ZFPM2: variants seen among roughly 807,000 people sequenced by gnomAD.
The protein encoded by ZFPM2 is zinc finger protein ZFPM2.
ZFPM2 carries 20 observed loss-of-function variants against 98.6 expected under a neutral mutation model. The ratio of observed to expected loss-of-function variants is 0.20; its 90% confidence interval spans 0.14 to 0.29. ZFPM2 has a LOEUF of 0.29. Ranked by LOEUF, ZFPM2 falls within the 10% of genes least tolerant of loss-of-function variation. ZFPM2 has a pLI of 1.00. For synonymous variants in ZFPM2, 518 were observed against 502.7 expected, an observed-to-expected ratio of 1.03 and a Z score of -0.41; for missense variants, 1,310 against 1,388.6, an observed-to-expected ratio of 0.94 and a Z score of 0.90.
At chr8:105,575,328 C>A (rs552559076) in intron 4 of ZFPM2, among the ~76,000 whole-genome samples, 1 of 152,136 alleles carries the variant, frequency 6.6e-6, no homozygotes, top group South Asian at 2.1e-4. Context: ...CGTTGTATCA[C>A]CCCCCTCCCT....
chr8:105,350,620 G>A (rs1196919570), intron 1 of ZFPM2, among the ~76,000 whole-genome samples: 1 of 152,098 alleles, frequency 6.6e-6, no homozygotes, highest in Admixed American at 6.6e-5. Context: ...AAACTTGGTA[G>A]GCAATTGTAA....
intron 1 of ZFPM2, among the ~76,000 whole-genome samples, chr8:105,411,226 G>A (rs559550891): frequency 4.2e-4 from 63 of 151,754 alleles, no homozygotes; most frequent in Middle Eastern, 3.2e-3. Flanking sequence ...GCTTTCAGTT[G>A]CAAATGTGGG....
intron 5 of ZFPM2, among the ~76,000 whole-genome samples, chr8:105,775,499 G>GTATT (rs1813085490): frequency 6.6e-6 from 1 of 152,180 alleles, no homozygotes; most frequent in Admixed American, 6.5e-5. Flanking sequence ...ATGAAGAATG[G>GTATT]TATTTTAATA....
intron 1 of ZFPM2, among the ~76,000 whole-genome samples, chr8:105,359,660 C>A (rs1007453776): frequency 6.6e-6 from 1 of 152,098 alleles, no homozygotes; most frequent in Non-Finnish European, 1.5e-5. Flanking sequence ...AGGCGTGAGC[C>A]ACCGCGCCCG....
intron 2 of ZFPM2, among the ~76,000 whole-genome samples, chr8:105,420,331 TA>T (rs1396769707): frequency 6.6e-6 from 1 of 152,150 alleles, no homozygotes. Flanking sequence ...GGTGGCCATG[TA>T]TATATTTAAT....
chr8:105,370,724 A>C (rs1290535746), intron 1 of ZFPM2, among the ~76,000 whole-genome samples: 1 of 152,236 alleles, frequency 6.6e-6, no homozygotes, highest in Non-Finnish European at 1.5e-5. Context: ...GGAGTGTTGC[A>C]AAGTTTTTAT....
chr8:105,619,900 A>G (rs1481598479), intron 4 of ZFPM2, among the ~76,000 whole-genome samples: 4 of 152,130 alleles, frequency 2.6e-5, no homozygotes, highest in Admixed American at 2.0e-4. Flanking sequence ...CATGGTGTAT[A>G]TGTGCCACAT....
At chr8:105,613,096 G>T (rs1816339032) in intron 4 of ZFPM2, among the ~76,000 whole-genome samples, 1 of 152,160 alleles carries the variant, frequency 6.6e-6, no homozygotes, top group East Asian at 1.9e-4. Context: ...AATGATTTCA[G>T]TAGTCACAAT....
chr8:105,786,886 T>C (rs1813429645), intron 5 of ZFPM2, among the ~76,000 whole-genome samples: 1 of 152,210 alleles, frequency 6.6e-6, no homozygotes, highest in Non-Finnish European at 1.5e-5. Flanking sequence ...TTGTGAAAGG[T>C]ACACATAGCT....
At chr8:105,518,378 A>G (rs1282226401) in intron 3 of ZFPM2, among the ~76,000 whole-genome samples, 2 of 152,216 alleles carry the variant, frequency 1.3e-5, no homozygotes, top group East Asian at 3.9e-4. Flanking sequence ...CTTTCATGGT[A>G]CAGTTTATTT....
At chr8:105,464,158 C>T (rs1279352144) in intron 3 of ZFPM2, among the ~76,000 whole-genome samples, 1 of 151,940 alleles carries the variant, frequency 6.6e-6, no homozygotes, top group African/African-American at 2.4e-5. Context: ...GGCTGTATAC[C>T]TTCCAGTTTT....
Position 105,369,747 on chromosome 8 carries a change from A to G in ZFPM2, c.41-49397A>G, listed in dbSNP as rs529824671. Reference sequence around the variant, plus strand: ...TGTAACTTTTCTATCCAGTAGGCCAAGAGTTTTTTCTTTTTTTCTTTCTGG... The same window carrying G: ...TGTAACTTTTCTATCCAGTAGGCCAGGAGTTTTTTCTTTTTTTCTTTCTGG... On this transcript the variant is annotated intron_variant, in intron 1 of 7. Transcript: ENST00000407775. Among the ~76,000 whole-genome samples the G allele has an allele frequency of 3.3e-5, 5 of 152,202 alleles. No individual in the cohort carries two copies. The South Asian group carries it at 1.0e-3, about 32-fold the overall frequency.
intron 3 of ZFPM2, among the ~76,000 whole-genome samples, chr8:105,469,876 C>T (rs1352888209): frequency 6.6e-6 from 1 of 152,116 alleles, no homozygotes; most frequent in Admixed American, 6.6e-5. Context: ...TGAATGAACT[C>T]GTTCATATAA....
Position 105,625,800 on chromosome 8 carries a change from C to T in ZFPM2, c.421-8446C>T, listed in dbSNP as rs1231127101. On this transcript the variant is annotated intron_variant, in intron 4 of 7. Coordinates refer to ENST00000407775, the MANE Select transcript of ZFPM2 (RefSeq NM_012082.4). ...GTTTCACCATGTTGGCCAGGCTGGTCTCGAACTCCTGACCTCAGGCGATCC... is the reference window on the plus strand; with the variant it reads ...GTTTCACCATGTTGGCCAGGCTGGTTTCGAACTCCTGACCTCAGGCGATCC... Among the ~76,000 whole-genome samples, 3 of 151,896 alleles carry T rather than the reference C, an allele frequency of 2.0e-5. No homozygotes were observed. The East Asian group carries it at 5.8e-4, about 29-fold the overall frequency.
intron 1 of ZFPM2, among the ~76,000 whole-genome samples, chr8:105,385,461 C>A (rs1389876181): frequency 2.0e-5 from 3 of 152,166 alleles, no homozygotes; most frequent in Non-Finnish European, 1.5e-5. Context: ...AAACGTCAAG[C>A]TAGCTATTGC....
At chr8:105,702,510 ATGTT>A (rs901634086) in intron 5 of ZFPM2, among the ~76,000 whole-genome samples, 12 of 152,192 alleles carry the variant, frequency 7.9e-5, no homozygotes, top group Non-Finnish European at 1.6e-4. Context: ...TCAGTGCAAA[ATGTT>A]TGGTTGCAGA....
intron 1 of ZFPM2, among the ~76,000 whole-genome samples, chr8:105,333,794 G>GAA (rs35689024): frequency 6.6e-6 from 1 of 150,458 alleles, no homozygotes; most frequent in African/African-American, 2.4e-5. Flanking sequence ...CTCGTAAAAT[G>GAA]AAAAAAAATC....
rs1311867056 is a variant in ZFPM2, at chr8:105,600,387, A to G, written c.421-33859A>G. 3.3e-5 allele frequency among the ~76,000 whole-genome samples: 5 copies of G among 152,282 alleles called. No homozygotes were observed. The East Asian group carries it at 9.7e-4, about 29-fold the overall frequency. On this transcript the variant is annotated intron_variant, in intron 4 of 7. Coordinates refer to ENST00000407775, the MANE Select transcript of ZFPM2 (RefSeq NM_012082.4). ...ACCAAGAGAAAGATTATTTTTGAGT[A>G]AGGAAAACTGCATATGTATAAAAAA...
intron 3 of ZFPM2, among the ~76,000 whole-genome samples, chr8:105,556,430 T>G (rs997503877): frequency 2.6e-5 from 4 of 152,210 alleles, no homozygotes; most frequent in African/African-American, 9.6e-5. Flanking sequence ...CCTTTGCATA[T>G]TGTTAATCCT....
Sources: gnomAD v4.1 joint callset for allele counts (sites outside exome capture counted in the v4.1 genomes callset) on GRCh38, gnomAD v4.1.1 for gene constraint, MANE v1.5 for transcripts, NCBI Gene and HGNC (gene_info 2026-07-23, HGNC 2026-07-21) for gene names.